RORA: variants seen among roughly 807,000 people sequenced by gnomAD.
The protein encoded by RORA is nuclear receptor ROR-alpha.
Under a neutral mutation model 69.5 loss-of-function variants are expected in RORA, and 7 were observed. The ratio of observed to expected loss-of-function variants is 0.10; its 90% confidence interval spans 0.06 to 0.19. The LOEUF is 0.19. Ranked by LOEUF, RORA falls within the 10% of genes least tolerant of loss-of-function variation. The probability of loss-of-function intolerance (pLI) is 1.00; values close to 1 mark genes in which losing one functional copy is unlikely to be tolerated. For synonymous variants in RORA, 261 were observed against 240.8 expected (o/e 1.08, Z -0.78); for missense variants, 457 against 663.0 (o/e 0.69, Z 3.41).
intron 1 of RORA, among the ~76,000 whole-genome samples, chr15:61,154,814 A>C (rs2079428453): frequency 6.6e-6 from 1 of 152,110 alleles, no homozygotes; most frequent in Admixed American, 6.6e-5. Context: ...GTTGTGGCAA[A>C]AAATACACAC....
chr15:60,539,987 TGG>T (rs888834346), intron 2 of RORA, among the ~76,000 whole-genome samples: 11 of 152,238 alleles, frequency 7.2e-5, no homozygotes, highest in Middle Eastern at 3.4e-3. Flanking sequence ...TCTCTCGGGG[TGG>T]GTTAAATGTC....
chr15:60,919,761 G>A (rs1891987352), intron 1 of RORA, among the ~76,000 whole-genome samples: 1 of 152,140 alleles, frequency 6.6e-6, no homozygotes, highest in South Asian at 2.1e-4. Flanking sequence ...TCCTTAGGTA[G>A]GAGTTTTCAT....
At chr15:60,855,333 T>TTA (rs2073367687) in intron 1 of RORA, among the ~76,000 whole-genome samples, 1 of 152,156 alleles carries the variant, frequency 6.6e-6, no homozygotes, top group South Asian at 2.1e-4. Context: ...ACATGACAGA[T>TTA]TGTATAGGCG....
At chr15:60,641,950 C>A (rs867743377) in intron 2 of RORA, among the ~76,000 whole-genome samples, 3 of 152,108 alleles carry the variant, frequency 2.0e-5, no homozygotes, top group Non-Finnish European at 1.5e-5. Context: ...AAATTTGGTA[C>A]CTTTAAGTAG....
At chr15:61,157,724 T>C (rs966107269) in intron 1 of RORA, among the ~76,000 whole-genome samples, 5 of 152,220 alleles carry the variant, frequency 3.3e-5, no homozygotes, top group Non-Finnish European at 7.3e-5. Flanking sequence ...AATCTGATTC[T>C]CTTTACATCT....
chr15:60,803,563 T>C (rs1321335660), intron 1 of RORA, among the ~76,000 whole-genome samples: 1 of 152,158 alleles, frequency 6.6e-6, no homozygotes, highest in Non-Finnish European at 1.5e-5. Context: ...CAAGGCAGCA[T>C]TGCAGAGCGG....
intron 1 of RORA, among the ~76,000 whole-genome samples, chr15:60,722,788 C>G (rs1463037786): frequency 6.6e-6 from 1 of 152,172 alleles, no homozygotes; most frequent in East Asian, 1.9e-4. Context: ...CAGTGGAGAC[C>G]CTGTCATTCT....
chr15:60,982,037 G>A (rs1477117337), intron 1 of RORA, among the ~76,000 whole-genome samples: 4 of 152,176 alleles, frequency 2.6e-5, no homozygotes, highest in African/African-American at 4.8e-5. Flanking sequence ...TCTACGTCAT[G>A]TGTAGCCACT....
At chr15:60,516,073 ATATT>A (rs1267080617) in intron 3 of RORA, among the ~76,000 whole-genome samples, 10 of 46,050 alleles carry the variant, frequency 2.2e-4, no homozygotes, top group Admixed American at 7.7e-4. Flanking sequence ...ATATTTATAT[ATATT>A]TATTTATATA....
At chr15:60,592,054 T>G (rs2068534546) in intron 2 of RORA, among the ~76,000 whole-genome samples, 1 of 151,844 alleles carries the variant, frequency 6.6e-6, no homozygotes, top group South Asian at 2.1e-4. Flanking sequence ...ACCCTCCCCT[T>G]CCTTTCCGAA....
intron 1 of RORA, among the ~76,000 whole-genome samples, chr15:60,854,514 G>A (rs1040335565): frequency 2.7e-4 from 41 of 152,170 alleles, no homozygotes; most frequent in African/African-American, 8.7e-4. Flanking sequence ...GAACTATTTC[G>A]TTGGGTTGAT....
chr15:60,992,217 G>A (rs1045081309), intron 1 of RORA, among the ~76,000 whole-genome samples: 47 of 152,160 alleles, frequency 3.1e-4, no homozygotes, highest in Admixed American at 2.8e-3. Flanking sequence ...TTGGAATGAC[G>A]GAGAGAAGAG....
intron 1 of RORA, among the ~76,000 whole-genome samples, chr15:61,074,979 C>T (rs925380622): frequency 6.6e-5 from 10 of 151,132 alleles, no homozygotes; most frequent in African/African-American, 9.7e-5. Flanking sequence ...ACCAGCTACT[C>T]GGGAGGCTGA....
chr15:60,797,836 G>A (rs1249364298), intron 1 of RORA, among the ~76,000 whole-genome samples: 1 of 152,174 alleles, frequency 6.6e-6, no homozygotes, highest in East Asian at 1.9e-4. Flanking sequence ...AGGCCGGTGA[G>A]GCTGCTAGCC....
intron 1 of RORA, among the ~76,000 whole-genome samples, chr15:61,206,800 G>A (rs575751944): frequency 1.3e-5 from 2 of 152,194 alleles, no homozygotes; most frequent in African/African-American, 4.8e-5. Flanking sequence ...CACACGGGAG[G>A]GTCTGATGTT....
intron 1 of RORA, among the ~76,000 whole-genome samples, chr15:60,983,019 G>A (rs1173008815): frequency 6.6e-6 from 1 of 152,112 alleles, no homozygotes; most frequent in Non-Finnish European, 1.5e-5. Flanking sequence ...TGGCGGGTGG[G>A]GAGTGGGGGT....
At chr15:60,823,849 C>T (rs1360494753) in intron 1 of RORA, among the ~76,000 whole-genome samples, 3 of 151,966 alleles carry the variant, frequency 2.0e-5, no homozygotes, top group East Asian at 1.9e-4. Context: ...AGTGTGGCTT[C>T]GCCTAAAATC....
intron 3 of RORA, among the ~76,000 whole-genome samples, chr15:60,515,128 A>G (rs1340767189): frequency 1.3e-5 from 2 of 152,308 alleles, no homozygotes; most frequent in East Asian, 1.9e-4. Context: ...TGTTTGTAAA[A>G]TAAATACAAA....
intron 1 of RORA, among the ~76,000 whole-genome samples, chr15:60,915,037 G>A (rs915818169): frequency 4.6e-5 from 7 of 152,198 alleles, no homozygotes; most frequent in African/African-American, 1.7e-4. Context: ...AGATCAGAGA[G>A]ACTATCTATC....
Sources: allele counts gnomAD v4.1 joint callset (sites outside exome capture counted in the v4.1 genomes callset), GRCh38; gene constraint gnomAD v4.1.1; transcripts MANE v1.5; gene names NCBI Gene and HGNC (gene_info 2026-07-23, HGNC 2026-07-21).